The following CCR3 variants were observed in gnomAD, a reference collection of about 807,000 sequenced individuals.
CCR3 encodes the protein C-C chemokine receptor type 3.
For synonymous variants in CCR3, 203 were observed against 179.2 expected (o/e 1.13, Z -1.06); for missense variants, 419 against 437.5 (o/e 0.96, Z 0.38).
At chr3:46,232,189 A>G (rs1699972147) in intron 2 of CCR3, among the ~76,000 whole-genome samples, 2 of 152,248 alleles carry the variant, frequency 1.3e-5, no homozygotes, top group African/African-American at 2.4e-5. Flanking sequence ...AACACACAGA[A>G]TGGTTAGAGG....
intron 1 of CCR3, among the ~76,000 whole-genome samples, chr3:46,251,314 G>C (rs4683192): frequency 0.95 from 144,297 of 152,096 alleles, 68,544 homozygotes; most frequent in East Asian, 1. Flanking sequence ...ATGGATAAAA[G>C]GTGTCTCCTT....
chr3:46,226,104 GGTAA>G (rs1189632776), intron 2 of CCR3, among the ~76,000 whole-genome samples: 2 of 152,102 alleles, frequency 1.3e-5, no homozygotes, highest in African/African-American at 2.4e-5. Context: ...CATGAAATCA[GGTAA>G]GTGATTCCTC....
At chr3:46,230,214 G>A (rs1039862695) in intron 2 of CCR3, among the ~76,000 whole-genome samples, 2 of 152,166 alleles carry the variant, frequency 1.3e-5, no homozygotes, top group Admixed American at 6.5e-5. Context: ...CCTTCTATAA[G>A]GAGGACTCAT....
chr3:46,252,601 T>C (rs1320446716), intron 1 of CCR3, among the ~76,000 whole-genome samples: 1 of 151,924 alleles, frequency 6.6e-6, no homozygotes, highest in Non-Finnish European at 1.5e-5. Flanking sequence ...AGAAAAGAAA[T>C]GAAGGAAGGG....
intron 1 of CCR3, among the ~76,000 whole-genome samples, chr3:46,262,572 G>T (rs1242293533): frequency 6.6e-6 from 1 of 152,130 alleles, no homozygotes. Flanking sequence ...TCACTATTTT[G>T]TATCTAAGTA....
rs1270810222 is a variant in CCR3 at position 46,266,169 on chromosome 3, A to G, written c.1011A>G (p.Glu337=). Residue 337 remains glutamate, a synonymous_variant, in exon 2 of 2, where the codon GAA becomes GAG. Coordinates refer to ENST00000395940, the MANE Select transcript of CCR3 (RefSeq NM_178329.3). ...CATTCCTTCCTAGTGAGAAGCTGGAAAGAACCAGCTCTGTCTCTCCATCCA... is the reference window on the plus strand; with the variant it reads ...CATTCCTTCCTAGTGAGAAGCTGGAGAGAACCAGCTCTGTCTCTCCATCCA... ...YIPFLPSEKL[E]RTSSVSPSTA... The G allele has an allele frequency of 6.2e-7, 1 of 1,613,952 alleles. No homozygotes were observed. Among genetic ancestry groups the G allele is most frequent in the African/African-American group, 1.3e-5 (1 of 74,910 alleles).
At position 46,217,628 on chromosome 3, in the gene CCR3, G is replaced by A. The variant is rs370605671; in HGVS notation, c.-68+6721G>A. On this transcript the variant is annotated intron_variant, in intron 2 of 3. Coordinates refer to the CCR3 transcript ENST00000357422. ...GTATCAAGTACTCCGTCAGACCACA[G>A]TGGAATAAAATTGGAAATTAAAAGT... Among the ~76,000 whole-genome samples the A allele has an allele frequency of 3.6e-4, 55 of 152,150 alleles. No homozygotes were observed. The South Asian group carries it at 0.011, about 29-fold the overall frequency.
At chr3:46,249,873 C>CTT (rs56735026) in intron 1 of CCR3, among the ~76,000 whole-genome samples, 3 of 149,390 alleles carry the variant, frequency 2.0e-5, no homozygotes, top group African/African-American at 7.4e-5. Flanking sequence ...GGAATTGCAA[C>CTT]TTTTTTTTTT....
At chr3:46,248,955 G>T (rs1480223846) in intron 1 of CCR3, among the ~76,000 whole-genome samples, 1 of 152,164 alleles carries the variant, frequency 6.6e-6, no homozygotes, top group Non-Finnish European at 1.5e-5. Flanking sequence ...TAAAATGGGG[G>T]AATGGTAAGG....
At chr3:46,239,804 C>T (rs1369608192), upstream of CCR3, among the ~76,000 whole-genome samples, 1 of 152,218 alleles carries the variant, frequency 6.6e-6, no homozygotes, top group Non-Finnish European at 1.5e-5. Context: ...TCTGGGATGA[C>T]AATCTCCCTA....
At chr3:46,256,855 C>A (rs1700435748) in intron 1 of CCR3, among the ~76,000 whole-genome samples, 1 of 152,010 alleles carries the variant, frequency 6.6e-6, no homozygotes, top group Admixed American at 6.6e-5. Flanking sequence ...TTGCCAGTTG[C>A]CCAAAGAGCC....
rs189356071 is a variant in CCR3, at chr3:46,242,965, A to G, written c.-12+427A>G. On this transcript the variant is annotated intron_variant, in intron 1 of 1. Coordinates refer to ENST00000395940, the MANE Select transcript of CCR3 (RefSeq NM_178329.3). Reference sequence around the variant, plus strand: ...AATATAATTTTACATATATATGTGTATATATATATATATACACATATATAT... The same window carrying G: ...AATATAATTTTACATATATATGTGTGTATATATATATATACACATATATAT... 2.3e-3 allele frequency among the ~76,000 whole-genome samples: 125 copies of G among 53,604 alleles called. 2 individuals carry two copies. The highest frequency in any genetic ancestry group is 5.5e-3 in the Admixed American group (26 of 4,688). The allele number at this position is 53,604 out of a possible 152,430, so 35.2% of individuals were successfully genotyped here.
intron 1 of CCR3, among the ~76,000 whole-genome samples, chr3:46,260,996 T>C (rs1285088128): frequency 6.6e-6 from 1 of 152,212 alleles, no homozygotes; most frequent in Non-Finnish European, 1.5e-5. Flanking sequence ...CTCTCTCTCA[T>C]TCTTTCTCTC....
rs201753906 is a variant in CCR3, at chr3:46,266,369, G to C, written c.*143G>C. ...TTGAAGACACTGAAATATACACACA[G>C]CAGTAGCAGTAGATGCATGTACCCT... On this transcript the variant is annotated 3_prime_UTR_variant, in exon 2 of 2. Coordinates refer to ENST00000395940, the MANE Select transcript of CCR3 (RefSeq NM_178329.3). The C allele has an allele frequency of 1.9e-5, 12 of 622,206 alleles. No homozygotes were observed. The African/African-American group carries it at 2.2e-4, about 12-fold the overall frequency. 38.5% of individuals were successfully genotyped at this position (622,206 alleles called of 1,614,324 possible). A position where few individuals can be genotyped will look rare whatever the true frequency, so the allele number is the denominator to read the frequency against.
chr3:46,253,456 C>G (rs1209032574), intron 1 of CCR3, among the ~76,000 whole-genome samples: 1 of 152,186 alleles, frequency 6.6e-6, no homozygotes, highest in Non-Finnish European at 1.5e-5. Context: ...GCTTCTTCAA[C>G]TCATCTTTAC....
chr3:46,264,183 G>T, intron 1 of CCR3: 1 of 510,630 alleles, frequency 2.0e-6, no homozygotes, highest in Non-Finnish European at 3.5e-6. Context: ...AAATCCCATT[G>T]ACTGACCCCT....
intron 2 of CCR3, among the ~76,000 whole-genome samples, chr3:46,234,135 C>A (rs1203113362): frequency 6.6e-6 from 1 of 152,188 alleles, no homozygotes; most frequent in Non-Finnish European, 1.5e-5. Flanking sequence ...TAACACTTGT[C>A]ATTTGAAAAG....
chr3:46,248,031 T>G (rs1347749645), intron 1 of CCR3, among the ~76,000 whole-genome samples: 6 of 152,068 alleles, frequency 3.9e-5, no homozygotes, highest in African/African-American at 1.5e-4. Flanking sequence ...TGGTGTGTGG[T>G]GATTAGGCCT....
chr3:46,248,846 A>G (rs1700251224), intron 1 of CCR3, among the ~76,000 whole-genome samples: 1 of 152,176 alleles, frequency 6.6e-6, no homozygotes, highest in Admixed American at 6.5e-5. Context: ...ATAGGAGGTT[A>G]TATGGGTTTG....
Sources: gnomAD v4.1 joint callset for allele counts (sites outside exome capture counted in the v4.1 genomes callset) on GRCh38, gnomAD v4.1.1 for gene constraint, MANE v1.5 for transcripts, NCBI Gene and HGNC (gene_info 2026-07-23, HGNC 2026-07-21) for gene names.